EYS: variants seen among roughly 807,000 people sequenced by gnomAD.
EYS encodes protein eyes shut homolog.
In EYS, 250 loss-of-function variants were observed where a neutral mutation model predicts 282.1. The observed-to-expected ratio is 0.89, with a 90% CI of 0.80 to 0.98. The LOEUF (loss-of-function observed/expected upper bound fraction) is 0.98, where lower values mean the gene tolerates loss of function less well. Among genes scored for constraint, EYS ranks in the 50% least tolerant of loss-of-function variants. The pLI, the probability that EYS is intolerant of heterozygous loss-of-function variation, is 0.00. For synonymous variants in EYS, 1,355 were observed against 1,282.9 expected, an observed-to-expected ratio of 1.06 and a Z score of -1.20; for missense variants, 4,016 against 3,709.0, an observed-to-expected ratio of 1.08 and a Z score of -2.15.
intron 26 of EYS, among the ~76,000 whole-genome samples, chr6:64,448,272 C>T (rs1775188647): frequency 6.6e-6 from 1 of 152,188 alleles, no homozygotes; most frequent in Admixed American, 6.5e-5. Context: ...GCACAGCAGT[C>T]TGAGATCAAA....
Position 63,762,635 on chromosome 6 carries a change from T to G in EYS, c.7899-2A>C. 1 of 1,549,284 alleles carries G rather than the reference T, an allele frequency of 6.5e-7. No homozygotes were observed. Among genetic ancestry groups the G allele is most frequent in the East Asian group, 2.4e-5 (1 of 40,898 alleles). On this transcript the variant is annotated splice_acceptor_variant, in intron 40 of 42. Transcript: ENST00000503581. LOFTEE classifies it high-confidence loss of function. ...TTCCACCCAGTGGTACAATTGCAGCTGTGGGTTGAGAGAAAGCCGCATGGT... is the reference window on the plus strand; with the variant it reads ...TTCCACCCAGTGGTACAATTGCAGCGGTGGGTTGAGAGAAAGCCGCATGGT...
intron 26 of EYS, among the ~76,000 whole-genome samples, chr6:64,574,510 C>T (rs1765821249): frequency 6.6e-6 from 1 of 152,076 alleles, no homozygotes; most frequent in Non-Finnish European, 1.5e-5. Flanking sequence ...TATTGATAAG[C>T]ATGGAATGCA....
chr6:64,336,802 G>A, intron 29 of EYS, among the ~76,000 whole-genome samples: 1 of 151,882 alleles, frequency 6.6e-6, no homozygotes, highest in Non-Finnish European at 1.5e-5. Flanking sequence ...GAATAAAACT[G>A]GAAATGAACT....
chr6:64,850,126 A>T (rs1175525633), intron 19 of EYS, among the ~76,000 whole-genome samples: 1 of 152,062 alleles, frequency 6.6e-6, no homozygotes, highest in Non-Finnish European at 1.5e-5. Flanking sequence ...AGAAGAGCTA[A>T]TGTTTAGACT....
At chr6:65,630,371 G>A (rs1766868217) in intron 2 of EYS, among the ~76,000 whole-genome samples, 1 of 152,194 alleles carries the variant, frequency 6.6e-6, no homozygotes, top group Admixed American at 6.5e-5. Context: ...TGGGGAAACA[G>A]GAGAAACAGG....
chr6:64,974,705 C>T (rs1261023423), intron 14 of EYS, among the ~76,000 whole-genome samples: 1 of 151,846 alleles, frequency 6.6e-6, no homozygotes, highest in Non-Finnish European at 1.5e-5. Flanking sequence ...ATACTTCTCT[C>T]TTAAGTTTTC....
chr6:64,484,217 G>A (rs1285436826), intron 26 of EYS, among the ~76,000 whole-genome samples: 1 of 151,606 alleles, frequency 6.6e-6, no homozygotes, highest in African/African-American at 2.4e-5. Flanking sequence ...AAGCAAAAGA[G>A]ATTGCCTCTA....
intron 33 of EYS, among the ~76,000 whole-genome samples, chr6:64,007,315 G>T (rs2128353): frequency 0.036 from 5,319 of 149,694 alleles, 313 homozygotes; most frequent in African/African-American, 0.12. Context: ...GAGGTTTTTT[G>T]TTTTTCTGTG....
chr6:63,750,429 G>A lies in EYS; in HGVS notation c.8071+12032C>T, dbSNP rs1212430165. On this transcript the variant is annotated intron_variant, in intron 41 of 42. Transcript: ENST00000503581. The stretch of plus-strand genomic sequence containing the variant: ...AGACCTTCTTTAATCAGCCCAGCTG[G>A]AAGACCTCTCAAACCCTTCTAATCT... Among the ~76,000 whole-genome samples, 4 of 152,146 alleles carry A rather than the reference G, an allele frequency of 2.6e-5. No individual in the cohort carries two copies. In the East Asian group the frequency reaches 5.8e-4, roughly 22 times the overall value.
intron 31 of EYS, among the ~76,000 whole-genome samples, chr6:64,157,151 T>G (rs1459023611): frequency 1.3e-5 from 2 of 151,218 alleles, no homozygotes; most frequent in African/African-American, 4.9e-5. Flanking sequence ...GTGTTTGGTT[T>G]TTTGTTCTTG....
At chr6:63,884,512 T>C (rs1773215886) in intron 35 of EYS, among the ~76,000 whole-genome samples, 1 of 152,180 alleles carries the variant, frequency 6.6e-6, no homozygotes, top group African/African-American at 2.4e-5. Flanking sequence ...GTTTTGTACA[T>C]ATGTAAGAAT....
At chr6:65,087,256 T>G (rs947179851) in intron 12 of EYS, among the ~76,000 whole-genome samples, 1 of 152,142 alleles carries the variant, frequency 6.6e-6, no homozygotes, top group East Asian at 1.9e-4. Flanking sequence ...TTTCTCCCTT[T>G]TCATTATTGC....
intron 35 of EYS, 24 bp from the exon 36 acceptor site, chr6:63,864,382 A>C (rs1772621819): frequency 5.2e-6 from 8 of 1,534,802 alleles, no homozygotes; most frequent in Middle Eastern, 3.4e-4. Flanking sequence ...AAATTTAAAA[A>C]TTCATTAGGA....
chr6:64,054,729 T>A (rs879939865), intron 33 of EYS, among the ~76,000 whole-genome samples: 1 of 152,158 alleles, frequency 6.6e-6, no homozygotes, highest in Non-Finnish European at 1.5e-5. Context: ...CCTAATTTCC[T>A]TAAGTCCCAG....
intron 26 of EYS, among the ~76,000 whole-genome samples, chr6:64,462,534 A>G (rs565207384): frequency 1.3e-5 from 2 of 152,008 alleles, no homozygotes; most frequent in Non-Finnish European, 2.9e-5. Flanking sequence ...GTTTTAATCC[A>G]CTTTTACTCA....
chr6:64,362,212 A>T (rs1313549821), intron 29 of EYS, among the ~76,000 whole-genome samples: 1 of 151,818 alleles, frequency 6.6e-6, no homozygotes, highest in East Asian at 1.9e-4. Context: ...CAACAGTAAG[A>T]CATAGAAAAA....
rs565533074 is a variant in EYS at position 64,624,172 on chromosome 6, A to G, written c.3568+1949T>C. On this transcript the variant is annotated intron_variant, in intron 23 of 42. Transcript: ENST00000503581. ...TCATTTTGAGATCTTCTGCTTCCCA[A>G]TAGTGATCTGAAAAGCAGCCTGAAC... Among the ~76,000 whole-genome samples, 25 of 152,272 alleles carry G rather than the reference A, an allele frequency of 1.6e-4. No homozygotes were observed. The South Asian group carries it at 4.3e-3, about 26-fold the overall frequency.
chr6:63,863,250 A>G (rs1273593687), intron 36 of EYS, among the ~76,000 whole-genome samples: 2 of 152,006 alleles, frequency 1.3e-5, no homozygotes, highest in Non-Finnish European at 2.9e-5. Flanking sequence ...ATTATTTCTG[A>G]AAATATCTAC....
chr6:64,875,348 C>T (rs557910458), intron 19 of EYS, among the ~76,000 whole-genome samples: 3 of 151,960 alleles, frequency 2.0e-5, no homozygotes, highest in Middle Eastern at 3.2e-3. Flanking sequence ...AATTATTGAG[C>T]TTTTGTGATT....
Sources: allele counts gnomAD v4.1 joint callset (sites outside exome capture counted in the v4.1 genomes callset), GRCh38; gene constraint gnomAD v4.1.1; transcripts MANE v1.5; gene names NCBI Gene and HGNC (gene_info 2026-07-23, HGNC 2026-07-21).